Variants in ESRRG observed in about 807,000 individuals in gnomAD.
ESRRG encodes estrogen related receptor gamma, also known as estrogen-related receptor gamma.
In ESRRG, 13 loss-of-function variants were observed where a neutral mutation model predicts 44.0. That is an observed-to-expected ratio of 0.30 (90% CI 0.19 to 0.47). The LOEUF is 0.47. Ranked by LOEUF, ESRRG falls within the 20% of genes least tolerant of loss-of-function variation. ESRRG has a pLI of 1.00. For missense variants in ESRRG, 395 were observed against 580.6 expected (o/e 0.68, Z 3.29); for synonymous variants, 215 against 214.6 (o/e 1.00, Z -0.02).
chr1:216,546,972 C>A (rs1445133476), intron 5 of ESRRG, among the ~76,000 whole-genome samples: 7 of 151,800 alleles, frequency 4.6e-5, no homozygotes, highest in African/African-American at 1.7e-4. Context: ...CATCCCCTGA[C>A]AGGCCCCGGT....
intron 2 of ESRRG, among the ~76,000 whole-genome samples, chr1:216,771,276 A>T (rs1055005101): frequency 2.0e-5 from 3 of 152,184 alleles, no homozygotes; most frequent in African/African-American, 7.2e-5. Context: ...TCTGCTAAAG[A>T]TGCTCAATAA....
intron 2 of ESRRG, among the ~76,000 whole-genome samples, chr1:216,741,646 C>T (rs1475094254): frequency 6.6e-6 from 1 of 152,128 alleles, no homozygotes; most frequent in Non-Finnish European, 1.5e-5. Context: ...ATGCTTAGAA[C>T]ACAGCTTAGG....
At chr1:216,695,568 T>C (rs1336537407) in intron 1 of ESRRG, among the ~76,000 whole-genome samples, 1 of 152,208 alleles carries the variant, frequency 6.6e-6, no homozygotes, top group Non-Finnish European at 1.5e-5. Flanking sequence ...GTATCCCCAG[T>C]ACTTCATGTT....
chr1:216,806,984 C>T (rs1028766015), intron 2 of ESRRG, among the ~76,000 whole-genome samples: 1 of 152,140 alleles, frequency 6.6e-6, no homozygotes, highest in Non-Finnish European at 1.5e-5. Flanking sequence ...TCATCTGTAG[C>T]TTCCTCTCGT....
At chr1:217,039,750 T>C (rs2083507408) in intron 1 of ESRRG, among the ~76,000 whole-genome samples, 1 of 152,226 alleles carries the variant, frequency 6.6e-6, no homozygotes, top group African/African-American at 2.4e-5. Flanking sequence ...CTACCAATTA[T>C]TTGTATTTGT....
chr1:216,782,453 A>G (rs2093970061), intron 2 of ESRRG, among the ~76,000 whole-genome samples: 1 of 152,100 alleles, frequency 6.6e-6, no homozygotes, highest in Non-Finnish European at 1.5e-5. Context: ...TACACAGAGA[A>G]GATAGAGGAC....
At chr1:216,926,725 T>C (rs2062634402) in intron 2 of ESRRG, among the ~76,000 whole-genome samples, 1 of 152,120 alleles carries the variant, frequency 6.6e-6, no homozygotes, top group African/African-American at 2.4e-5. Context: ...TAGCTCAAGA[T>C]GTTGAAAGAA....
intron 2 of ESRRG, among the ~76,000 whole-genome samples, chr1:216,780,021 A>G (rs1391150121): frequency 2.0e-5 from 3 of 151,924 alleles, no homozygotes; most frequent in African/African-American, 7.3e-5. Context: ...TCTTCTACAT[A>G]AACTCATTCA....
intron 5 of ESRRG, among the ~76,000 whole-genome samples, chr1:216,562,580 G>A (rs1404095559): frequency 6.6e-6 from 1 of 152,046 alleles, no homozygotes; most frequent in Non-Finnish European, 1.5e-5. Flanking sequence ...GGGTGCTACT[G>A]GCATCTAGTG....
At chr1:216,705,042 C>T (rs1255923633) in intron 1 of ESRRG, among the ~76,000 whole-genome samples, 1 of 152,082 alleles carries the variant, frequency 6.6e-6, no homozygotes, top group Non-Finnish European at 1.5e-5. Flanking sequence ...TTTAAACTTT[C>T]CTGATTGCAA....
intron 1 of ESRRG, among the ~76,000 whole-genome samples, chr1:217,109,801 G>A (rs6678558): frequency 0.16 from 24,541 of 152,152 alleles, 2,222 homozygotes; most frequent in Middle Eastern, 0.24. Flanking sequence ...CAAAACATGA[G>A]TGGAAAAGAA....
At chr1:217,133,199 A>T (rs1201524681) in intron 1 of ESRRG, among the ~76,000 whole-genome samples, 2 of 152,282 alleles carry the variant, frequency 1.3e-5, no homozygotes, top group Non-Finnish European at 2.9e-5. Flanking sequence ...TCTCACAGCC[A>T]GAGCAAGTCA....
chr1:216,962,414 C>G (rs955444612), intron 1 of ESRRG, among the ~76,000 whole-genome samples: 23 of 152,108 alleles, frequency 1.5e-4, no homozygotes, highest in Non-Finnish European at 2.9e-4. Context: ...ATTCCCTTGT[C>G]TGTGAATGTT....
At chr1:216,677,647 T>G (rs1055739981) in intron 1 of ESRRG, among the ~76,000 whole-genome samples, 156 bp from the exon 2 acceptor site, 1 of 152,140 alleles carries the variant, frequency 6.6e-6, no homozygotes, top group African/African-American at 2.4e-5. Flanking sequence ...TTAAAGACAT[T>G]GCTCTTTGAG....
intron 1 of ESRRG, among the ~76,000 whole-genome samples, chr1:216,697,548 G>C (rs2080424126): frequency 6.6e-6 from 1 of 152,196 alleles, no homozygotes; most frequent in African/African-American, 2.4e-5. Flanking sequence ...TCAACACACA[G>C]ATCTTCTATG....
At chr1:216,713,910 T>G (rs2151995498) in intron 1 of ESRRG, among the ~76,000 whole-genome samples, 1 of 152,348 alleles carries the variant, frequency 6.6e-6, no homozygotes, top group South Asian at 2.1e-4. Flanking sequence ...AAAAGCTCTC[T>G]CAGTCTTATC....
intron 1 of ESRRG, among the ~76,000 whole-genome samples, chr1:217,135,235 C>A (rs964976671): frequency 6.6e-6 from 1 of 151,450 alleles, no homozygotes; most frequent in African/African-American, 2.4e-5. Flanking sequence ...ACGCGCTTTT[C>A]CCCCTCCTCA....
intron 2 of ESRRG, among the ~76,000 whole-genome samples, chr1:216,891,236 GA>G (rs1275596373): frequency 1.3e-5 from 2 of 152,126 alleles, no homozygotes; most frequent in Non-Finnish European, 2.9e-5. Flanking sequence ...ATCTTTATTA[GA>G]TTTTTTTTAC....
At chr1:216,837,262 T>A (rs2095580353) in intron 2 of ESRRG, among the ~76,000 whole-genome samples, 1 of 151,732 alleles carries the variant, frequency 6.6e-6, no homozygotes, top group Non-Finnish European at 1.5e-5. Context: ...ACAAAAAAAA[T>A]TAGCCAGGCG....
Sources: gnomAD v4.1 joint callset for allele counts (sites outside exome capture counted in the v4.1 genomes callset) on GRCh38, gnomAD v4.1.1 for gene constraint, MANE v1.5 for transcripts, NCBI Gene and HGNC (gene_info 2026-07-23, HGNC 2026-07-21) for gene names.